PCDHGA2: variants seen among roughly 807,000 people sequenced by gnomAD.
PCDHGA2 encodes the protein protocadherin gamma-A2.
Under a neutral mutation model 59.2 loss-of-function variants are expected in PCDHGA2, and 40 were observed. The ratio of observed to expected loss-of-function variants is 0.68; its 90% CI spans 0.52 to 0.88. PCDHGA2 has a LOEUF of 0.88. PCDHGA2 is among the 40% of genes least tolerant of loss of function. The probability of loss-of-function intolerance (pLI) is 0.00; values close to 1 mark genes in which losing one functional copy is unlikely to be tolerated. For missense variants in PCDHGA2, 1,226 were observed against 1,204.0 expected (o/e 1.02, Z -0.27); for synonymous variants, 560 against 526.0 (o/e 1.06, Z -0.89).
At chr5:141,349,001 AT>A (rs938414585) in intron 1 of PCDHGA2, among the ~76,000 whole-genome samples, 5 of 152,166 alleles carry the variant, frequency 3.3e-5, no homozygotes, top group Non-Finnish European at 7.3e-5. Context: ...CCTCTCCAAT[AT>A]TTACCAGTGG....
In PCDHGA2 at chr5:141,487,046, G is replaced by A; in HGVS notation, c.2425-7761G>A. ...CAGCCTGTTTGCAGTCTCTCGATATGCTGGGGAGGTGCGGACGGCTGTTCC... is the reference window on the plus strand; with the variant it reads ...CAGCCTGTTTGCAGTCTCTCGATATACTGGGGAGGTGCGGACGGCTGTTCC... On this transcript the variant is annotated intron_variant, in intron 1 of 3. Coordinates refer to ENST00000394576, the MANE Select transcript of PCDHGA2 (RefSeq NM_018915.4). The surrounding 1 kb of genome is among the most constrained non-coding windows in gnomAD (Gnocchi z 5.0). 6.2e-7 allele frequency: 1 copy of A among 1,614,192 alleles called. No individual in the cohort carries two copies. Among genetic ancestry groups the A allele is most frequent in the Non-Finnish European group, 8.5e-7 (1 of 1,180,040 alleles).
chr5:141,384,995 C>T (rs1485778293), intron 1 of PCDHGA2: 2 of 1,614,034 alleles, frequency 1.2e-6, no homozygotes, highest in African/African-American at 1.3e-5. Context: ...GCGGTGGCCA[C>T]AGTCTCCTGC....
At chr5:141,414,266 C>T in intron 1 of PCDHGA2, 1 of 1,613,254 alleles carries the variant, frequency 6.2e-7, no homozygotes, top group Non-Finnish European at 8.5e-7. Context: ...ACTGAAGATT[C>T]ACCTCTGGGA....
intron 3 of PCDHGA2, among the ~76,000 whole-genome samples, chr5:141,510,691 T>C (rs1013489554): frequency 4.6e-5 from 7 of 152,138 alleles, no homozygotes; most frequent in African/African-American, 1.7e-4. Flanking sequence ...GGAGGTTAGG[T>C]AGACTTGCCC....
In PCDHGA2 at chr5:141,477,595, T is replaced by C. The variant is rs1289890776; in HGVS notation, c.2425-17212T>C. The C allele has an allele frequency of 6.2e-7, 1 of 1,614,176 alleles. No individual in the cohort carries two copies. Among genetic ancestry groups the C allele is most frequent in the Non-Finnish European group, 8.5e-7 (1 of 1,180,032 alleles). ...ACGCCCCGCAGAATGCTCGGCTTTC[T>C]TTCTTTCTCTTGGAGCAAGGAGCTG... On this transcript the variant is annotated intron_variant, in intron 1 of 3. Coordinates refer to ENST00000394576, the MANE Select transcript of PCDHGA2 (RefSeq NM_018915.4). This position sits in a 1 kb window ranked among gnomAD's most constrained non-coding sequence, Gnocchi z 4.9.
At chr5:141,355,297 T>C in intron 1 of PCDHGA2, 2 of 1,613,906 alleles carry the variant, frequency 1.2e-6, no homozygotes, top group South Asian at 1.1e-5. Flanking sequence ...ACAGATTCTC[T>C]ACTCGGTGTT....
chr5:141,347,783 T>C (rs1282741205), intron 1 of PCDHGA2, among the ~76,000 whole-genome samples: 2 of 146,882 alleles, frequency 1.4e-5, no homozygotes, highest in Non-Finnish European at 3.0e-5. Flanking sequence ...AGAGACTCCA[T>C]CTCAAAAAAA....
chr5:141,376,169 G>C (rs779538880), intron 1 of PCDHGA2: 1 of 1,614,106 alleles, frequency 6.2e-7, no homozygotes, highest in South Asian at 1.1e-5. Flanking sequence ...CCTGGTGGTG[G>C]CGGTGGCCGC....
rs749095017 is a variant in PCDHGA2, at chr5:141,489,455, G to A, written c.2425-5352G>A. 1 of 1,614,042 alleles carries A rather than the reference G, an allele frequency of 6.2e-7. No homozygotes were observed. ...CTGCAATTGGGCTCTGAGGAGAATGGGCGCTATTTTTCCCTGAGCTTGATG... is the reference window on the plus strand; with the variant it reads ...CTGCAATTGGGCTCTGAGGAGAATGAGCGCTATTTTTCCCTGAGCTTGATG... On this transcript the variant is annotated intron_variant, in intron 1 of 3. Coordinates refer to ENST00000394576, the MANE Select transcript of PCDHGA2 (RefSeq NM_018915.4). This position sits in a 1 kb window ranked among gnomAD's most constrained non-coding sequence, Gnocchi z 4.5.
intron 1 of PCDHGA2, chr5:141,371,023 T>A: frequency 6.2e-7 from 1 of 1,614,008 alleles, no homozygotes. Flanking sequence ...CATCACCACC[T>A]GGTCCTCACA....
Position 141,489,268 on chromosome 5 carries a change from G to T in PCDHGA2, c.2425-5539G>T. On this transcript the variant is annotated intron_variant, in intron 1 of 3. Transcript: ENST00000394576. This position sits in a 1 kb window ranked among gnomAD's most constrained non-coding sequence, Gnocchi z 4.5. The stretch of plus-strand genomic sequence containing the variant: ...GGGGCCCAAGACACTCCCACAGCTC[G>T]CTGGGAAATGGCAAGTGCTGTGCAT... The T allele has an allele frequency of 3.9e-6, 6 of 1,553,284 alleles. No homozygotes were observed. The South Asian group carries it at 5.0e-5, about 13-fold the overall frequency.
At position 141,487,179 on chromosome 5, in the gene PCDHGA2, C is replaced by T. The variant is rs768886732; in HGVS notation, c.2425-7628C>T. Reference sequence around the variant, plus strand: ...CTCTTAGTGTCCTTAGAGGAAGACACTCATCCAGTTGTCCCAGATCTTCGA... The same window carrying T: ...CTCTTAGTGTCCTTAGAGGAAGACATTCATCCAGTTGTCCCAGATCTTCGA... On this transcript the variant is annotated intron_variant, in intron 1 of 3. Transcript: ENST00000394576. This position sits in a 1 kb window ranked among gnomAD's most constrained non-coding sequence, Gnocchi z 5.0. 6.2e-6 allele frequency: 10 copies of T among 1,613,474 alleles called. No individual in the cohort carries two copies. Among genetic ancestry groups the T allele is most frequent in the Non-Finnish European group, 6.8e-6 (8 of 1,179,370 alleles).
intron 1 of PCDHGA2, chr5:141,405,162 C>T: frequency 6.2e-7 from 1 of 1,614,098 alleles, no homozygotes; most frequent in Non-Finnish European, 8.5e-7. Flanking sequence ...GGTGTGCCCA[C>T]CTCACACTTT....
chr5:141,351,973 C>A (rs1758879948), intron 1 of PCDHGA2: 7 of 1,612,382 alleles, frequency 4.3e-6, no homozygotes, highest in Non-Finnish European at 5.9e-6. Context: ...CCGCCCTCTT[C>A]GATATGGTGC....
At chr5:141,349,209 A>G (rs1758253603) in intron 1 of PCDHGA2, among the ~76,000 whole-genome samples, 2 of 150,278 alleles carry the variant, frequency 1.3e-5, no homozygotes, top group African/African-American at 5.0e-5. Flanking sequence ...AGCTGGCGTT[A>G]CAGGTACCCG....
In PCDHGA2 at chr5:141,389,617, A is replaced by G. The variant is rs375985151; in HGVS notation, c.2424+48222A>G. 179 of 1,612,924 alleles carry G rather than the reference A, an allele frequency of 1.1e-4. No individual in the cohort carries two copies. The Middle Eastern group carries it at 3.6e-3, about 32-fold the overall frequency. ...TCTGCGCTCTTCGATATGGTGCCGC[A>G]CGCTGCAGAGCCTGGCTACTTGGTG... is the stretch of plus-strand genomic sequence containing the variant. On this transcript the variant is annotated intron_variant, in intron 1 of 3. Transcript: ENST00000394576.
In PCDHGA2 at chr5:141,351,767, G is replaced by T. The variant is rs371048978; in HGVS notation, c.2424+10372G>T. 4.9e-5 allele frequency: 79 copies of T among 1,613,418 alleles called. 2 individuals carry two copies. The highest frequency in any genetic ancestry group is 9.3e-6 in the Non-Finnish European group (11 of 1,179,914). On this transcript the variant is annotated intron_variant, in intron 1 of 3. Coordinates refer to ENST00000394576, the MANE Select transcript of PCDHGA2 (RefSeq NM_018915.4). Reference sequence around the variant, plus strand: ...GCGGGAGCTGTTGTCCTACGTGTCCGTGAGCCCGCAGAGCGGGGTGGTGTT... The same window carrying T: ...GCGGGAGCTGTTGTCCTACGTGTCCTTGAGCCCGCAGAGCGGGGTGGTGTT...
intron 1 of PCDHGA2, among the ~76,000 whole-genome samples, chr5:141,381,542 G>T (rs1245817082): frequency 2.0e-5 from 3 of 152,172 alleles, no homozygotes; most frequent in African/African-American, 7.2e-5. Context: ...CTAGGATGAA[G>T]ACTTGAATTG....
intron 1 of PCDHGA2, among the ~76,000 whole-genome samples, chr5:141,479,977 A>G (rs145953890): frequency 0.015 from 2,300 of 152,320 alleles, 30 homozygotes; most frequent in Non-Finnish European, 0.024. Context: ...AGGTTCTACC[A>G]TTTACCAACT....
Sources: allele counts gnomAD v4.1 joint callset (sites outside exome capture counted in the v4.1 genomes callset), GRCh38; gene constraint gnomAD v4.1.1; non-coding constraint Gnocchi (gnomAD v3.1); transcripts MANE v1.5; gene names NCBI Gene and HGNC (gene_info 2026-07-23, HGNC 2026-07-21).